Variants in KIF27 observed in about 807,000 individuals in gnomAD.
The protein encoded by KIF27 is kinesin-like protein KIF27.
A neutral mutation model predicts 141.8 loss-of-function variants in KIF27; 84 were observed. That is an observed-to-expected ratio of 0.59 (90% CI 0.50 to 0.71). KIF27 has a LOEUF of 0.71. Ranked by LOEUF, KIF27 falls within the 30% of genes least tolerant of loss-of-function variation. The probability of loss-of-function intolerance (pLI) is 0.00; values close to 1 mark genes in which losing one functional copy is unlikely to be tolerated. For synonymous variants in KIF27, 471 were observed against 569.5 expected, an observed-to-expected ratio of 0.83 and a Z score of 2.46; for missense variants, 1,306 against 1,628.4, an observed-to-expected ratio of 0.80 and a Z score of 3.41.
intron 2 of KIF27, among the ~76,000 whole-genome samples, chr9:83,910,453 T>TA (rs1178798538): frequency 6.6e-6 from 1 of 152,118 alleles, no homozygotes; most frequent in South Asian, 2.1e-4. Context: ...GAATGCTTTT[T>TA]AAAAAAAATT....
intron 16 of KIF27, chr9:83,848,631 T>C (rs2131646278): frequency 6.7e-6 from 1 of 149,628 alleles, no homozygotes; most frequent in Admixed American, 6.7e-5. Context: ...ATATATATGC[T>C]ATTCTGTCCC....
At chr9:83,844,781 T>C (rs570544051) in intron 16 of KIF27, among the ~76,000 whole-genome samples, 2 of 152,280 alleles carry the variant, frequency 1.3e-5, no homozygotes, top group African/African-American at 4.8e-5. Context: ...TCAGTAAAAT[T>C]TCTAGGGGTC....
intron 17 of KIF27, among the ~76,000 whole-genome samples, chr9:83,841,226 A>G (rs545243229): frequency 6.6e-6 from 1 of 152,158 alleles, no homozygotes; most frequent in East Asian, 1.9e-4. Flanking sequence ...ATGCACCATC[A>G]CACCTGGCTA....
At position 83,903,135 on chromosome 9, in the gene KIF27, TC is replaced by T; in HGVS notation, c.1382del (p.Gly461GlufsTer18). On this transcript the variant is annotated frameshift_variant, in exon 4 of 18. Transcript: ENST00000297814. LOFTEE classifies it high-confidence loss of function. ...KAVLTSFRGI[G>X]GTASLEEGPQ... ...GTCCTTCTTCCAGACTTGCAGTGCC[TC>T]CGATTCCTCGAAATGAGGTGAGGAC... 1 of 1,614,178 alleles carries T rather than the reference TC, an allele frequency of 6.2e-7. No homozygotes were observed. Among genetic ancestry groups the T allele is most frequent in the Non-Finnish European group, 8.5e-7 (1 of 1,180,022 alleles).
chr9:83,863,552 T>C (rs1950113432), intron 13 of KIF27: 1 of 152,242 alleles, frequency 6.6e-6, no homozygotes, highest in South Asian at 2.1e-4. Context: ...GATAAGCTTT[T>C]TGATGTGCTG....
intron 1 of KIF27, among the ~76,000 whole-genome samples, chr9:83,919,989 T>G (rs1043984099): frequency 1.3e-5 from 2 of 151,752 alleles, no homozygotes; most frequent in Admixed American, 6.6e-5. Context: ...CCCAGCACTT[T>G]GGGAGGCCAA....
chr9:83,917,167 G>A (rs1011790472), intron 1 of KIF27, among the ~76,000 whole-genome samples: 24 of 143,956 alleles, frequency 1.7e-4, no homozygotes, highest in African/African-American at 5.9e-4. Flanking sequence ...AATGTGTGAT[G>A]TTCCCCTTCC....
chr9:83,835,078 CTTAG>C lies in KIF27; in HGVS notation c.*1919_*1922del, dbSNP rs1945673125. ...TTCCTTGTAAGATTATGTGCTATGC[CTTAG>C]TTAGAAATAATTAATTTACACATAC... On this transcript the variant is annotated 3_prime_UTR_variant, in exon 18 of 18. Transcript: ENST00000297814. 6.7e-6 allele frequency among the ~76,000 whole-genome samples: 1 copy of C among 149,032 alleles called. No homozygotes were observed. Among genetic ancestry groups the C allele is most frequent in the South Asian group, 2.1e-4 (1 of 4,774 alleles).
In KIF27 at chr9:83,836,893, T is replaced by C; in HGVS notation, c.*108A>G. 4.0e-6 allele frequency: 6 copies of C among 1,505,696 alleles called. No homozygotes were observed. Among genetic ancestry groups the C allele is most frequent in the Middle Eastern group, 2.4e-4 (1 of 4,140 alleles). 93.3% of individuals were successfully genotyped at this position (1,505,696 alleles called of 1,614,324 possible). ...AAGAATTAGGGATTCCTTCCTCCCC[T>C]TCTTCCTTTATTCTGAGGAAAGAGG... On this transcript the variant is annotated 3_prime_UTR_variant, in exon 18 of 18. Coordinates refer to ENST00000297814, the MANE Select transcript of KIF27 (RefSeq NM_017576.4).
chr9:83,841,121 G>C (rs564974624), intron 17 of KIF27, among the ~76,000 whole-genome samples: 3 of 151,856 alleles, frequency 2.0e-5, no homozygotes, highest in Non-Finnish European at 4.4e-5. Context: ...CCCAGGTCGG[G>C]GTGCAATGTC....
At chr9:83,880,829 A>G (rs1376735131) in intron 10 of KIF27, among the ~76,000 whole-genome samples, 4 of 152,240 alleles carry the variant, frequency 2.6e-5, no homozygotes, top group Admixed American at 2.6e-4. Flanking sequence ...ATATTTTAAG[A>G]GTCACTCTTA....
chr9:83,919,606 A>C lies in KIF27; in HGVS notation c.-88+1765T>G, dbSNP rs143236949. Among the ~76,000 whole-genome samples the C allele has an allele frequency of 1.7e-4, 26 of 152,158 alleles. 1 individual carries two copies. In the East Asian group the frequency reaches 4.8e-3, roughly 28 times the overall value. On this transcript the variant is annotated intron_variant, in intron 1 of 17. Transcript: ENST00000297814. ...ATATTCACTACCCTTGAAAAAAAAA[A>C]AACCATGGCCCAGCACGGTGGTTCA...
intron 3 of KIF27, among the ~76,000 whole-genome samples, chr9:83,907,346 T>TAC (rs1954668711): frequency 6.7e-6 from 1 of 149,356 alleles, no homozygotes; most frequent in Admixed American, 6.7e-5. Context: ...AAATAATATG[T>TAC]ACATAGAAAA....
At chr9:83,888,862 C>T (rs1428647252) in intron 7 of KIF27, among the ~76,000 whole-genome samples, 1 of 142,356 alleles carries the variant, frequency 7.0e-6, no homozygotes, top group Non-Finnish European at 1.5e-5. Context: ...AATCTCATTA[C>T]TATAAAAGCT....
intron 11 of KIF27, among the ~76,000 whole-genome samples, chr9:83,873,054 A>G (rs750522652): frequency 4.6e-4 from 70 of 152,368 alleles, no homozygotes; most frequent in Middle Eastern, 3.4e-3. Context: ...GTATAAGGAC[A>G]GGCCACTGGG....
At chr9:83,854,587 A>G (rs1045815150) in intron 14 of KIF27, among the ~76,000 whole-genome samples, 3 of 152,192 alleles carry the variant, frequency 2.0e-5, no homozygotes, top group Admixed American at 2.0e-4. Context: ...TATTTTGGAC[A>G]CAGGGTCTCG....
chr9:83,857,971 T>G (rs1012499876), intron 14 of KIF27, among the ~76,000 whole-genome samples: 3 of 151,298 alleles, frequency 2.0e-5, no homozygotes, highest in African/African-American at 7.3e-5. Context: ...TTTGGGTTTT[T>G]TTTTTTTTTT....
chr9:83,886,730 T>A (rs1312761712), intron 9 of KIF27, among the ~76,000 whole-genome samples: 4 of 152,100 alleles, frequency 2.6e-5, no homozygotes, highest in African/African-American at 9.7e-5. Flanking sequence ...CACTCCAGCC[T>A]AGGTGACAGA....
At chr9:83,874,737 C>T (rs1322785931) in intron 11 of KIF27, among the ~76,000 whole-genome samples, 2 of 151,810 alleles carry the variant, frequency 1.3e-5, no homozygotes, top group Middle Eastern at 3.4e-3. Context: ...AGTTCGAGAT[C>T]AGCCTGGGCA....
Sources: gnomAD v4.1 joint callset for allele counts (sites outside exome capture counted in the v4.1 genomes callset) on GRCh38, gnomAD v4.1.1 for gene constraint, MANE v1.5 for transcripts, NCBI Gene and HGNC (gene_info 2026-07-23, HGNC 2026-07-21) for gene names.